MEAK7: variants seen among roughly 807,000 people sequenced by gnomAD.
MEAK7 encodes the protein MTOR-associated protein MEAK7.
A neutral mutation model predicts 40.5 loss-of-function variants in MEAK7; 68 were observed. The ratio of observed to expected loss-of-function variants is 1.68; its 90% CI spans 1.38 to 2.06. The LOEUF (loss-of-function observed/expected upper bound fraction) is 2.06, where lower values mean the gene tolerates loss of function less well. MEAK7 is among the 30% of genes most tolerant of loss of function. MEAK7 has a pLI of 0.00. For missense variants in MEAK7, 918 were observed against 580.5 expected, an observed-to-expected ratio of 1.58 and a Z score of -5.98; for synonymous variants, 338 against 231.9, an observed-to-expected ratio of 1.46 and a Z score of -4.16.
chr16:84,484,515 G>T (rs1207887155), intron 5 of MEAK7, among the ~76,000 whole-genome samples: 1 of 152,164 alleles, frequency 6.6e-6, no homozygotes, highest in Non-Finnish European at 1.5e-5. Flanking sequence ...TGATTGCACA[G>T]AAAACACAAG....
chr16:84,496,970 C>G (rs1342890506), intron 2 of MEAK7: 2 of 160,730 alleles, frequency 1.2e-5, no homozygotes, highest in African/African-American at 4.8e-5. Flanking sequence ...AATATACCAG[C>G]TTTTACTTCC....
At chr16:84,491,310 G>A (rs1913575522) in intron 3 of MEAK7, among the ~76,000 whole-genome samples, 1 of 152,040 alleles carries the variant, frequency 6.6e-6, no homozygotes, top group African/African-American at 2.4e-5. Context: ...GGCCAAGGTG[G>A]GCAGATCATT....
intron 3 of MEAK7, 29 bp from the exon 4 acceptor site, chr16:84,489,451 A>C: frequency 6.3e-7 from 1 of 1,587,366 alleles, no homozygotes; most frequent in Admixed American, 1.7e-5. Context: ...ACCATTAAAA[A>C]CAGTTCCACC....
intron 5 of MEAK7, among the ~76,000 whole-genome samples, chr16:84,485,365 C>T (rs1199098269): frequency 6.6e-6 from 1 of 152,186 alleles, no homozygotes. Flanking sequence ...GGTGCCCAAC[C>T]CTCAACCTGG....
chr16:84,496,683 A>G (rs777577520), intron 2 of MEAK7, among the ~76,000 whole-genome samples: 1 of 152,058 alleles, frequency 6.6e-6, no homozygotes, highest in African/African-American at 2.4e-5. Flanking sequence ...CATCACCAGG[A>G]TGCAGGACGT....
intron 1 of MEAK7, among the ~76,000 whole-genome samples, chr16:84,498,640 C>T (rs546714532): frequency 1.4e-4 from 22 of 152,118 alleles, no homozygotes; most frequent in South Asian, 2.1e-4. Context: ...CCCATCGTGA[C>T]GCCCATGACC....
chr16:84,485,525 G>C (rs529791858), intron 5 of MEAK7, among the ~76,000 whole-genome samples: 2 of 152,332 alleles, frequency 1.3e-5, no homozygotes, highest in South Asian at 4.1e-4. Context: ...GTAAGATACA[G>C]GATGTACCGG....
At chr16:84,494,442 T>C (rs570613928) in intron 3 of MEAK7, among the ~76,000 whole-genome samples, 18 of 152,194 alleles carry the variant, frequency 1.2e-4, no homozygotes, top group South Asian at 8.3e-4. Context: ...TTCCTTTTTT[T>C]CCCCCCATTT....
In MEAK7 at chr16:84,476,557, T is replaced by C. The variant is rs1912120544; in HGVS notation, c.*3356A>G. ...ATCACAGCAAGGCACACATAAACGATATTCATGACAATGATTAGCTGCAAA... is the reference window on the plus strand; with the variant it reads ...ATCACAGCAAGGCACACATAAACGACATTCATGACAATGATTAGCTGCAAA... On this transcript the variant is annotated 3_prime_UTR_variant, in exon 8 of 8. Coordinates refer to ENST00000343629, the MANE Select transcript of MEAK7 (RefSeq NM_020947.4). 6.6e-6 allele frequency: 1 copy of C among 152,150 alleles called. No individual in the cohort carries two copies. Among genetic ancestry groups the C allele is most frequent in the African/African-American group, 2.4e-5 (1 of 41,410 alleles). The allele number at this position is 152,150 out of a possible 1,614,324, so 9.4% of individuals were successfully genotyped here.
At position 84,487,069 on chromosome 16, in the gene MEAK7, G is replaced by A. The variant is rs1299570839; in HGVS notation, c.530-10C>T. 3 of 1,604,988 alleles carry A rather than the reference G, an allele frequency of 1.9e-6. No individual in the cohort carries two copies. The highest frequency in any genetic ancestry group is 1.7e-5 in the Admixed American group (1 of 59,342). On this transcript the variant is annotated splice_polypyrimidine_tract_variant and intron_variant, in intron 4 of 7. Transcript: ENST00000343629. Reference sequence around the variant, plus strand: ...AGAAGTCTCTTGCCATCTAGGGGAAGGGGATGGTCAGCATTAGTGGGGCTG... The same window carrying A: ...AGAAGTCTCTTGCCATCTAGGGGAAAGGGATGGTCAGCATTAGTGGGGCTG...
chr16:84,493,967 C>T (rs1350172322), intron 3 of MEAK7, among the ~76,000 whole-genome samples: 1 of 152,088 alleles, frequency 6.6e-6, no homozygotes, highest in Non-Finnish European at 1.5e-5. Context: ...GGAATTCACC[C>T]AAGTCACATG....
At chr16:84,484,247 G>C (rs16973943) in intron 5 of MEAK7, among the ~76,000 whole-genome samples, 2,652 of 152,308 alleles carry the variant, frequency 0.017, 87 homozygotes, top group African/African-American at 0.059. Flanking sequence ...ACAGGGCAAG[G>C]ACCTGATGAG....
At chr16:84,491,995 AATCTT>A (rs1355615430) in intron 3 of MEAK7, among the ~76,000 whole-genome samples, 1 of 152,168 alleles carries the variant, frequency 6.6e-6, no homozygotes, top group African/African-American at 2.4e-5. Flanking sequence ...AATCCTGCTA[AATCTT>A]CAACACTGAA....
chr16:84,480,935 C>A (rs1912481466), intron 6 of MEAK7, among the ~76,000 whole-genome samples: 1 of 152,224 alleles, frequency 6.6e-6, no homozygotes, highest in Admixed American at 6.5e-5. Context: ...CAGACACCCA[C>A]CCCATGGCTC....
In MEAK7 at chr16:84,495,824, T is replaced by C. The variant is rs748761011; in HGVS notation, c.243A>G (p.Gly81=). The C allele has an allele frequency of 5.6e-6, 9 of 1,613,890 alleles. No individual in the cohort carries two copies. In the East Asian group the frequency reaches 2.0e-4, roughly 36 times the overall value. ...RRVDLTGKAK[G]PSENVSQEQF... ...GCTCCTGGGACACGTTCTCACTGGGTCCCTTCGCCTTCCCTGTCAGGTCGA... is the reference window on the plus strand; with the variant it reads ...GCTCCTGGGACACGTTCTCACTGGGCCCCTTCGCCTTCCCTGTCAGGTCGA... The change falls in exon 3 of 8, where the codon GGA becomes GGG. Residue 81 remains glycine (G), a synonymous_variant. Transcript: ENST00000343629.
intron 1 of MEAK7, among the ~76,000 whole-genome samples, chr16:84,503,419 G>A (rs757745870): frequency 6.6e-6 from 1 of 152,038 alleles, no homozygotes; most frequent in Non-Finnish European, 1.5e-5. Context: ...TCCATCCACT[G>A]ATCCCCACCC....
At chr16:84,491,437 G>A (rs545033425) in intron 3 of MEAK7, among the ~76,000 whole-genome samples, 2 of 151,930 alleles carry the variant, frequency 1.3e-5, no homozygotes, top group African/African-American at 2.4e-5. Context: ...TACTTGGGAT[G>A]CTGAGGCAGG....
chr16:84,499,061 A>T (rs760429090), intron 1 of MEAK7, among the ~76,000 whole-genome samples: 6 of 152,230 alleles, frequency 3.9e-5, no homozygotes, highest in Non-Finnish European at 5.9e-5. Flanking sequence ...CCGTGCCTGT[A>T]TGATCCCGGC....
At position 84,495,900 on chromosome 16, in the gene MEAK7, TC is replaced by T; in HGVS notation, c.166del (p.Glu56LysfsTer20). 1.9e-6 allele frequency: 3 copies of T among 1,613,946 alleles called. No homozygotes were observed. The Admixed American group carries it at 5.0e-5, about 27-fold the overall frequency. On this transcript the variant is annotated frameshift_variant, in exon 3 of 8. Coordinates refer to ENST00000343629, the MANE Select transcript of MEAK7 (RefSeq NM_020947.4). LOFTEE classifies it high-confidence loss of function. ...GGTGACCATCTCTGGGGGAAGAGCT[TC>T]CCCGACGTGGTTCTGCCGGGGACAA... Reference protein sequence around the residue: ...SLKALQNHVGEALPPEMVTRL... With the variant: ...SLKALQNHVGXALPPEMVTRL...
Sources: gnomAD v4.1 joint callset for allele counts (sites outside exome capture counted in the v4.1 genomes callset) on GRCh38, gnomAD v4.1.1 for gene constraint, MANE v1.5 for transcripts, NCBI Gene and HGNC (gene_info 2026-07-23, HGNC 2026-07-21) for gene names.